Variants in UBE3D observed in about 807,000 individuals in gnomAD.
UBE3D encodes the protein ubiquitin protein ligase E3D, also known as E3 ubiquitin-protein ligase E3D.
A neutral mutation model predicts 49.6 loss-of-function variants in UBE3D; 48 were observed. The ratio of observed to expected loss-of-function variants is 0.97; its 90% CI spans 0.77 to 1.23. The LOEUF (loss-of-function observed/expected upper bound fraction) is 1.23, where lower values mean the gene tolerates loss of function less well. UBE3D is among the 50% of genes most tolerant of loss of function. UBE3D has a pLI of 0.00. For missense variants in UBE3D, 452 were observed against 468.4 expected, an observed-to-expected ratio of 0.96 and a Z score of 0.32; for synonymous variants, 189 against 174.2, an observed-to-expected ratio of 1.08 and a Z score of -0.67.
chr6:83,004,741 G>A (rs567318359), intron 8 of UBE3D, among the ~76,000 whole-genome samples: 1 of 152,282 alleles, frequency 6.6e-6, no homozygotes, highest in African/African-American at 2.4e-5. Context: ...TTAAATAATA[G>A]TCTTAGATAC....
intron 3 of UBE3D, among the ~76,000 whole-genome samples, chr6:83,046,432 C>T (rs1038665909): frequency 2.0e-5 from 3 of 151,968 alleles, no homozygotes; most frequent in African/African-American, 7.3e-5. Flanking sequence ...TATGCTGCAC[C>T]ATTGGTATCA....
chr6:82,943,873 T>A (rs899471910), intron 9 of UBE3D, among the ~76,000 whole-genome samples: 2 of 151,746 alleles, frequency 1.3e-5, no homozygotes. Context: ...CTGGTTACAG[T>A]GGAAAGCAAA....
chr6:83,034,880 T>TA (rs564106316), intron 5 of UBE3D, among the ~76,000 whole-genome samples: 7 of 149,748 alleles, frequency 4.7e-5, no homozygotes, highest in South Asian at 2.1e-4. Flanking sequence ...ACTTTATAAC[T>TA]AAAAAAAAAG....
intron 8 of UBE3D, among the ~76,000 whole-genome samples, chr6:83,007,992 A>G (rs1472503474): frequency 6.6e-6 from 1 of 152,198 alleles, no homozygotes; most frequent in African/African-American, 2.4e-5. Context: ...CTCATGTGAT[A>G]GTAAGATTTT....
intron 8 of UBE3D, among the ~76,000 whole-genome samples, chr6:83,005,237 A>G (rs1024944696): frequency 2.0e-5 from 3 of 152,150 alleles, no homozygotes; most frequent in Non-Finnish European, 2.9e-5. Flanking sequence ...AGGATACTCG[A>G]TATCACTAAT....
chr6:82,988,474 AT>A (rs200317529), intron 8 of UBE3D, among the ~76,000 whole-genome samples: 42 of 152,302 alleles, frequency 2.8e-4, no homozygotes, highest in African/African-American at 9.4e-4. Context: ...GAAAAAAAAA[AT>A]ATTCTTTAAC....
At chr6:83,044,250 GT>G (rs1389545544) in intron 4 of UBE3D, among the ~76,000 whole-genome samples, 177 bp downstream of exon 4, 1 of 152,164 alleles carries the variant, frequency 6.6e-6, no homozygotes, top group Non-Finnish European at 1.5e-5. Flanking sequence ...GGCTGTTTTA[GT>G]TTAAAGCCAT....
chr6:82,996,657 G>A (rs1779261535), intron 8 of UBE3D, among the ~76,000 whole-genome samples: 2 of 152,118 alleles, frequency 1.3e-5, no homozygotes, highest in Admixed American at 1.3e-4. Context: ...CATTGCCGGT[G>A]ATGGAAGGTG....
At chr6:83,047,960 T>C (rs921234750) in intron 3 of UBE3D, among the ~76,000 whole-genome samples, 10 of 151,130 alleles carry the variant, frequency 6.6e-5, no homozygotes, top group Non-Finnish European at 1.2e-4. Context: ...CGGGCACCTG[T>C]AGTCCCAGCT....
rs184209973 is a variant in UBE3D at position 83,012,751 on chromosome 6, C to A, written c.1010+6222G>T. Reference sequence around the variant, plus strand: ...GACCATGTCAAACCATTGGCTACAGCCCATGCATCAGTATATAATTGCACA... The same window carrying A: ...GACCATGTCAAACCATTGGCTACAGACCATGCATCAGTATATAATTGCACA... On this transcript the variant is annotated intron_variant, in intron 8 of 9. Transcript: ENST00000369747. Among the ~76,000 whole-genome samples the A allele has an allele frequency of 2.0e-5, 3 of 152,272 alleles. No homozygotes were observed. The East Asian group carries it at 5.8e-4, about 29-fold the overall frequency.
At chr6:82,903,678 A>G (rs1375232650) in intron 9 of UBE3D, among the ~76,000 whole-genome samples, 1 of 152,180 alleles carries the variant, frequency 6.6e-6, no homozygotes, top group African/African-American at 2.4e-5. Context: ...CAAATTTTAA[A>G]AAGAAAAACA....
intron 8 of UBE3D, among the ~76,000 whole-genome samples, chr6:83,012,680 A>T (rs1780427068): frequency 6.6e-6 from 1 of 152,142 alleles, no homozygotes; most frequent in Admixed American, 6.5e-5. Context: ...CTCATCCCCT[A>T]ATTTCTTTGT....
chr6:82,891,504 T>C (rs1582254555), downstream of UBE3D, among the ~76,000 whole-genome samples: 1 of 152,250 alleles, frequency 6.6e-6, no homozygotes. Context: ...TCTGTGGCTG[T>C]GAGTCTTGGA....
At chr6:82,957,060 C>G (rs907022200) in intron 9 of UBE3D, among the ~76,000 whole-genome samples, 1 of 151,962 alleles carries the variant, frequency 6.6e-6, no homozygotes, top group East Asian at 1.9e-4. Context: ...ACCTGGGAGG[C>G]GGAGGCTGCT....
rs1782897546 is a variant in UBE3D, at chr6:83,044,574, T to C, written c.451A>G (p.Asn151Asp). 2.5e-6 allele frequency: 4 copies of C among 1,614,128 alleles called. No homozygotes were observed. The highest frequency in any genetic ancestry group is 4.5e-5 in the East Asian group (2 of 44,884). Residue 151 changes from asparagine (N) to aspartate (D), a missense_variant, in exon 4 of 10, where the codon AAT (asparagine) becomes GAT (aspartate). By Grantham distance (23) the Asn-to-Asp change is conservative. Transcript: ENST00000369747. ...TTCTCTTGCGGATGAAGTGATTTATTAGCAAAGGGGTCAGGATGACAACAC... is the reference window on the plus strand; with the variant it reads ...TTCTCTTGCGGATGAAGTGATTTATCAGCAAAGGGGTCAGGATGACAACAC... The part of the protein sequence containing the change: ...EWCCHPDPFA[N>D]KSLHPQENDC...
chr6:82,989,347 T>C (rs995572448), intron 8 of UBE3D, among the ~76,000 whole-genome samples: 4 of 152,108 alleles, frequency 2.6e-5, no homozygotes, highest in African/African-American at 9.7e-5. Context: ...TGTTAATGTG[T>C]TACTTACCTG....
intron 8 of UBE3D, among the ~76,000 whole-genome samples, chr6:82,984,151 T>C (rs1050912334): frequency 6.6e-6 from 1 of 152,204 alleles, no homozygotes; most frequent in African/African-American, 2.4e-5. Flanking sequence ...TAAGCAAATA[T>C]ATTCATATTC....
At chr6:82,985,176 CTTTG>C (rs1380214024) in intron 8 of UBE3D, among the ~76,000 whole-genome samples, 1 of 151,636 alleles carries the variant, frequency 6.6e-6, no homozygotes, top group East Asian at 1.9e-4. Flanking sequence ...TATCTTTTTA[CTTTG>C]TTTATGATGC....
intron 3 of UBE3D, chr6:83,049,751 G>A: frequency 2.1e-6 from 1 of 471,068 alleles, no homozygotes; most frequent in Non-Finnish European, 4.4e-6. Context: ...GACCTCCGGA[G>A]AGCCACTCTG....
Sources: gnomAD v4.1 joint callset for allele counts (sites outside exome capture counted in the v4.1 genomes callset) on GRCh38, gnomAD v4.1.1 for gene constraint, MANE v1.5 for transcripts, NCBI Gene and HGNC (gene_info 2026-07-23, HGNC 2026-07-21) for gene names.